MYCT1: variants seen among roughly 807,000 people sequenced by gnomAD.
The protein encoded by MYCT1 is myc target protein 1.
MYCT1 carries 12 observed loss-of-function variants against 15.0 expected under a neutral mutation model. The observed-to-expected ratio is 0.80, with a 90% CI of 0.51 to 1.29. The LOEUF (loss-of-function observed/expected upper bound fraction) is 1.29, where lower values mean the gene tolerates loss of function less well. Among genes scored for constraint, MYCT1 ranks in the 50% most tolerant of loss-of-function variants. The pLI is 0.00. For synonymous variants in MYCT1, 104 were observed against 102.7 expected, an observed-to-expected ratio of 1.01 and a Z score of -0.07; for missense variants, 287 against 279.1, an observed-to-expected ratio of 1.03 and a Z score of -0.20.
At chr6:152,727,884 C>A (rs985432648), downstream of MYCT1, among the ~76,000 whole-genome samples, 37 of 152,146 alleles carry the variant, frequency 2.4e-4, no homozygotes, top group African/African-American at 8.7e-4. Flanking sequence ...AGGCTTCAGG[C>A]CGGGTGTGGT....
chr6:152,715,105 ATT>A (rs1290951223), intron 1 of MYCT1, among the ~76,000 whole-genome samples: 1 of 152,018 alleles, frequency 6.6e-6, no homozygotes, highest in Non-Finnish European at 1.5e-5. Flanking sequence ...CTACTCAGAT[ATT>A]TTTGTTTCTT....
chr6:152,720,963 A>G (rs1019617246), intron 1 of MYCT1, among the ~76,000 whole-genome samples: 4 of 152,194 alleles, frequency 2.6e-5, no homozygotes, highest in African/African-American at 9.7e-5. Flanking sequence ...TCTCCCCAGA[A>G]AGGGAAATCT....
At chr6:152,734,734 C>T in the MYCT1 span, among the ~76,000 whole-genome samples, 2 of 151,906 alleles carry the variant, frequency 1.3e-5, no homozygotes, top group Admixed American at 6.6e-5. Context: ...GCATAAGTGG[C>T]GTGGGTCTGG....
intron 1 of MYCT1, among the ~76,000 whole-genome samples, chr6:152,717,174 GAA>G (rs5880999): frequency 2.0e-5 from 3 of 150,738 alleles, no homozygotes; most frequent in Non-Finnish European, 4.4e-5. Flanking sequence ...ATAATTAAAT[GAA>G]AAAAAAATGT....
At chr6:152,712,426 T>A (rs918708922) in intron 1 of MYCT1, among the ~76,000 whole-genome samples, 1 of 71,696 alleles carries the variant, frequency 1.4e-5, no homozygotes, top group African/African-American at 3.7e-5. Flanking sequence ...CTTGTTCAAT[T>A]CCTGGGAACT....
chr6:152,730,114 G>C, the MYCT1 span, among the ~76,000 whole-genome samples: 8,858 of 152,216 alleles, frequency 0.058, 294 homozygotes, highest in Non-Finnish European at 0.083. Flanking sequence ...TGGATTTCAA[G>C]ATATAACCTT....
chr6:152,707,355 T>C (rs563476382), intron 1 of MYCT1, among the ~76,000 whole-genome samples: 26 of 152,214 alleles, frequency 1.7e-4, no homozygotes, highest in Middle Eastern at 3.4e-3. Context: ...ACAGATTATT[T>C]GTTTTCTTGC....
chr6:152,706,240 G>A lies in MYCT1; in HGVS notation c.196+8142G>A, dbSNP rs186580749. On this transcript the variant is annotated intron_variant, in intron 1 of 1. Coordinates refer to ENST00000367245, the MANE Select transcript of MYCT1 (RefSeq NM_025107.3). ...GTTGGAGAAAATGAAGGAAAGGCTGGCTGATGTTTAAGAAATCACTGTAAC... is the reference window on the plus strand; with the variant it reads ...GTTGGAGAAAATGAAGGAAAGGCTGACTGATGTTTAAGAAATCACTGTAAC... 3.5e-5 allele frequency: 25 copies of A among 723,688 alleles called. No homozygotes were observed. In the East Asian group the frequency reaches 5.8e-4, roughly 17 times the overall value. 44.8% of individuals were successfully genotyped at this position (723,688 alleles called of 1,614,324 possible). A position where few individuals can be genotyped will look rare whatever the true frequency, so the allele number is the denominator to read the frequency against.
At chr6:152,702,637 TC>T (rs1248170879) in intron 1 of MYCT1, among the ~76,000 whole-genome samples, 1 of 152,072 alleles carries the variant, frequency 6.6e-6, no homozygotes, top group African/African-American at 2.4e-5. Context: ...CATAGGATGT[TC>T]CCCAAGAAGT....
rs1466526648 is a variant in MYCT1 at position 152,724,440 on chromosome 6, C to CA, written c.*2191dup. On this transcript the variant is annotated 3_prime_UTR_variant, in exon 2 of 2. Coordinates refer to ENST00000367245, the MANE Select transcript of MYCT1 (RefSeq NM_025107.3). Reference sequence around the variant, plus strand: ...ACCCTTATCCCAGTTATAAGACAGTCAAAATGACTATTTCCTAAATATTGT... The same window carrying CA: ...ACCCTTATCCCAGTTATAAGACAGTCAAAAATGACTATTTCCTAAATATTGT... The CA allele has an allele frequency of 1.3e-5, 2 of 151,946 alleles. No individual in the cohort carries two copies. The highest frequency in any genetic ancestry group is 4.8e-5 in the African/African-American group (2 of 41,366). 9.4% of individuals were successfully genotyped at this position (151,946 alleles called of 1,614,324 possible). A position where few individuals can be genotyped will look rare whatever the true frequency, so the allele number is the denominator to read the frequency against.
intron 1 of MYCT1, among the ~76,000 whole-genome samples, chr6:152,719,311 G>C (rs6924444): frequency 4.6e-5 from 7 of 152,186 alleles, no homozygotes; most frequent in African/African-American, 1.7e-4. Context: ...CAATTTTTAT[G>C]CAATTTATAT....
downstream of MYCT1, among the ~76,000 whole-genome samples, chr6:152,728,799 G>T (rs2099726085): frequency 6.6e-6 from 1 of 152,102 alleles, no homozygotes; most frequent in African/African-American, 2.4e-5. Flanking sequence ...CCAACTACTT[G>T]GGAGGTTGAG....
At chr6:152,742,678 G>A in the MYCT1 span, among the ~76,000 whole-genome samples, 3 of 152,154 alleles carry the variant, frequency 2.0e-5, no homozygotes, top group Admixed American at 6.5e-5. Context: ...AATGGAGGCC[G>A]GGCCTTCTTT....
the MYCT1 span, among the ~76,000 whole-genome samples, chr6:152,737,373 A>G: frequency 1.3e-5 from 2 of 151,912 alleles, no homozygotes; most frequent in African/African-American, 4.8e-5. Context: ...TTAGTATTAT[A>G]TATTGTATAT....
the MYCT1 span, among the ~76,000 whole-genome samples, chr6:152,744,789 G>A: frequency 6.6e-6 from 1 of 152,196 alleles, no homozygotes; most frequent in Non-Finnish European, 1.5e-5. Context: ...CAGCCTTCAA[G>A]GAAATAGAAA....
intron 1 of MYCT1, among the ~76,000 whole-genome samples, chr6:152,708,309 A>G (rs1404262060): frequency 1.3e-5 from 2 of 152,036 alleles, no homozygotes; most frequent in East Asian, 1.9e-4. Context: ...ATTTTTATAT[A>G]TAAGTCTTAC....
Position 152,722,155 on chromosome 6 carries a change from C to G in MYCT1, c.610C>G (p.Arg204Gly), listed in dbSNP as rs778524865. The change falls in exon 2 of 2, where the codon CGT (arginine) becomes GGT (glycine). Residue 204 changes from arginine (R) to glycine (G), a missense_variant. Physicochemically the swap from Arg to Gly is moderately radical, Grantham distance 125. Coordinates refer to ENST00000367245, the MANE Select transcript of MYCT1 (RefSeq NM_025107.3). ...CATCAGCACTTCCCACAGTCTGAGCCGTCCTGACTACTGGTCCAGTAACAG... is the reference window on the plus strand; with the variant it reads ...CATCAGCACTTCCCACAGTCTGAGCGGTCCTGACTACTGGTCCAGTAACAG... ...PTISTSHSLS[R>G]PDYWSSNSLR... The G allele has an allele frequency of 6.2e-7, 1 of 1,614,012 alleles. No homozygotes were observed. Among genetic ancestry groups the G allele is most frequent in the Non-Finnish European group, 8.5e-7 (1 of 1,180,008 alleles).
chr6:152,716,158 GAATTCTGGATTTCTTTTTGTTTGTGA>G (rs1321477520), intron 1 of MYCT1, among the ~76,000 whole-genome samples: 1 of 152,102 alleles, frequency 6.6e-6, no homozygotes, highest in Non-Finnish European at 1.5e-5. Context: ...GTGAGAAGTT[GAATTCTGGATTTCTTTTTGTTTGTGA>G]AAACAGACCC....
chr6:152,738,782 G>A, the MYCT1 span, among the ~76,000 whole-genome samples: 1 of 152,040 alleles, frequency 6.6e-6, no homozygotes, highest in South Asian at 2.1e-4. Flanking sequence ...TTGGACTAAT[G>A]TGTGAGACAT....
Sources: gnomAD v4.1 joint callset for allele counts (sites outside exome capture counted in the v4.1 genomes callset) on GRCh38, gnomAD v4.1.1 for gene constraint, MANE v1.5 for transcripts, NCBI Gene and HGNC (gene_info 2026-07-23, HGNC 2026-07-21) for gene names.